EXD1: variants seen among roughly 807,000 people sequenced by gnomAD.
EXD1 encodes piRNA biogenesis protein EXD1.
A neutral mutation model predicts 49.1 loss-of-function variants in EXD1; 63 were observed. That is an observed-to-expected ratio of 1.28 (90% CI 1.05 to 1.58). The LOEUF (loss-of-function observed/expected upper bound fraction) is 1.58, where lower values mean the gene tolerates loss of function less well. EXD1 is among the 40% of genes most tolerant of loss of function. EXD1 has a pLI of 0.00. For synonymous variants in EXD1, 234 were observed against 239.2 expected (o/e 0.98, Z 0.20); for missense variants, 748 against 666.0 (o/e 1.12, Z -1.36).
At position 41,184,396 on chromosome 15, in the gene EXD1, A is replaced by G; in HGVS notation, c.1254T>C (p.Phe418=). 6.2e-7 allele frequency: 1 copy of G among 1,613,994 alleles called. No individual in the cohort carries two copies. Among genetic ancestry groups the G allele is most frequent in the Non-Finnish European group, 8.5e-7 (1 of 1,180,018 alleles). The part of the protein sequence containing the change: ...KVKGFLFGKN[F]RIDKAPSFTS... Reference sequence around the variant, plus strand: ...TAAAACTTGGAGCTTTATCTATCCTAAAATTTTTACCAAATAAGAAGCCTT... The same window carrying G: ...TAAAACTTGGAGCTTTATCTATCCTGAAATTTTTACCAAATAAGAAGCCTT... Residue 418 remains phenylalanine (F), a synonymous_variant, in exon 12 of 12, where the codon TTT becomes TTC. Transcript: ENST00000458580.
chr15:41,223,849 A>G (rs2047124711), intron 2 of EXD1, among the ~76,000 whole-genome samples: 1 of 151,954 alleles, frequency 6.6e-6, no homozygotes, highest in African/African-American at 2.4e-5. Context: ...TGGGTGACAC[A>G]GCGAGACTCT....
intron 9 of EXD1, among the ~76,000 whole-genome samples, chr15:41,194,863 A>G (rs2046585770): frequency 6.6e-6 from 1 of 152,212 alleles, no homozygotes; most frequent in Non-Finnish European, 1.5e-5. Flanking sequence ...CAGCAAATAC[A>G]TTATAAGTAG....
intron 9 of EXD1, among the ~76,000 whole-genome samples, chr15:41,192,790 A>AT (rs57676752): frequency 3.5e-3 from 263 of 74,712 alleles, no homozygotes; most frequent in Non-Finnish European, 4.1e-3. Flanking sequence ...TATTCTTAAG[A>AT]TTTTTTTTTT....
intron 10 of EXD1, 85 bp from the exon 11 acceptor site, chr15:41,190,213 G>T: frequency 7.1e-7 from 1 of 1,415,392 alleles, no homozygotes; most frequent in Non-Finnish European, 9.9e-7. Flanking sequence ...AGTGGCTCAT[G>T]CCTGTAATCC....
chr15:41,202,166 A>ATATT (rs1555415036), intron 7 of EXD1, among the ~76,000 whole-genome samples: 7 of 132,582 alleles, frequency 5.3e-5, no homozygotes, highest in African/African-American at 1.7e-4. Context: ...ATATATATAT[A>ATATT]TTTTTTTTAA....
chr15:41,193,599 G>A lies in EXD1; in HGVS notation c.721-2014C>T, dbSNP rs537341610. ...TAAAAAAATTTTAAAAATCAGCCAG[G>A]CATGGTGGTGTGTACCTGTAGTCCC... On this transcript the variant is annotated intron_variant, in intron 9 of 11. Coordinates refer to ENST00000458580, the MANE Select transcript of EXD1 (RefSeq NM_001286441.2). Among the ~76,000 whole-genome samples the A allele has an allele frequency of 1.6e-3, 247 of 152,162 alleles. 2 individuals carry two copies. Among genetic ancestry groups the A allele is most frequent in the African/African-American group, 5.7e-3 (238 of 41,512 alleles).
chr15:41,206,991 C>G, intron 7 of EXD1, among the ~76,000 whole-genome samples: 1 of 139,056 alleles, frequency 7.2e-6, no homozygotes, highest in South Asian at 2.3e-4. Flanking sequence ...TGGCTCACAC[C>G]CAGCACTTTG....
intron 5 of EXD1, 119 bp downstream of exon 5, chr15:41,216,549 T>G: frequency 9.6e-7 from 1 of 1,042,828 alleles, no homozygotes; most frequent in Non-Finnish European, 1.3e-6. Context: ...GATAATTGCT[T>G]GAATCCAGGA....
intron 9 of EXD1, 121 bp from the exon 10 acceptor site, chr15:41,191,706 C>T (rs1350699519): frequency 2.3e-6 from 2 of 867,500 alleles, no homozygotes; most frequent in Non-Finnish European, 3.4e-6. Flanking sequence ...CACGATAGAC[C>T]ATGTCATCGG....
chr15:41,226,206 C>T (rs2047162679), intron 2 of EXD1, among the ~76,000 whole-genome samples: 1 of 151,800 alleles, frequency 6.6e-6, no homozygotes, highest in Admixed American at 6.6e-5. Context: ...GAGCCATGAT[C>T]ACGCCACTGC....
intron 9 of EXD1, among the ~76,000 whole-genome samples, chr15:41,192,598 T>A (rs1432321899): frequency 0.1 from 4,825 of 46,050 alleles, 1,481 homozygotes; most frequent in Non-Finnish European, 0.14. Context: ...CCAGGCATTT[T>A]TTTTTTTTTT....
chr15:41,222,345 G>A (rs2047100910), intron 2 of EXD1, among the ~76,000 whole-genome samples: 1 of 152,166 alleles, frequency 6.6e-6, no homozygotes, highest in Non-Finnish European at 1.5e-5. Flanking sequence ...AACCTGGGAG[G>A]CGGAGGTTGC....
At chr15:41,196,337 G>A in intron 7 of EXD1, among the ~76,000 whole-genome samples, 1 of 110,000 alleles carries the variant, frequency 9.1e-6, no homozygotes, top group Admixed American at 9.4e-5. Context: ...TTTTTTTTGA[G>A]ACAGAGTCTT....
chr15:41,199,822 T>TTTA, intron 7 of EXD1, among the ~76,000 whole-genome samples: 1 of 131,310 alleles, frequency 7.6e-6, no homozygotes, highest in Middle Eastern at 3.8e-3. Flanking sequence ...CATATATAGA[T>TTTA]ATATGTCAAT....
chr15:41,209,492 A>T lies in EXD1; in HGVS notation c.534+9T>A, dbSNP rs1333524740. On this transcript the variant is annotated intron_variant, in intron 7 of 11. Transcript: ENST00000458580. ...ACTTCAAAATAAAAAGTTTTCAAAAATCTTTCACCTGCAGCCAGCACAGTT... is the reference window on the plus strand; with the variant it reads ...ACTTCAAAATAAAAAGTTTTCAAAATTCTTTCACCTGCAGCCAGCACAGTT... 3 of 1,608,344 alleles carry T rather than the reference A, an allele frequency of 1.9e-6. No homozygotes were observed. Among genetic ancestry groups the T allele is most frequent in the Non-Finnish European group, 2.5e-6 (3 of 1,178,798 alleles).
At chr15:41,215,150 A>G (rs943528593) in intron 6 of EXD1, among the ~76,000 whole-genome samples, 1 of 152,202 alleles carries the variant, frequency 6.6e-6, no homozygotes, top group African/African-American at 2.4e-5. Context: ...CACATAAAAT[A>G]GGACCTCCTT....
chr15:41,218,486 C>CAAAAAAAA (rs35305069), intron 3 of EXD1, among the ~76,000 whole-genome samples: 1 of 79,042 alleles, frequency 1.3e-5, no homozygotes, highest in African/African-American at 4.3e-5. Context: ...GAATCCGTCT[C>CAAAAAAAA]AAAAAAAAAA....
chr15:41,209,076 T>G (rs151021809), intron 7 of EXD1, among the ~76,000 whole-genome samples: 35 of 152,068 alleles, frequency 2.3e-4, no homozygotes, highest in African/African-American at 8.4e-4. Context: ...GGAAGAACAT[T>G]CCAACAAGTT....
In EXD1 at chr15:41,191,590, GGT is replaced by G; in HGVS notation, c.721-7_721-6del. On this transcript the variant is annotated splice_region_variant and splice_polypyrimidine_tract_variant and intron_variant, in intron 9 of 11. Transcript: ENST00000458580. Reference sequence around the variant, plus strand: ...AAACTGAAGTACATCTGCTACCTGTGGTATTTTAAAAAGACAAACAGACCAGT... The same window carrying G: ...AAACTGAAGTACATCTGCTACCTGTGATTTTAAAAAGACAAACAGACCAGT... 1.9e-6 allele frequency: 3 copies of G among 1,612,878 alleles called. No individual in the cohort carries two copies. Among genetic ancestry groups the G allele is most frequent in the Non-Finnish European group, 2.5e-6 (3 of 1,179,540 alleles).
Sources: allele counts gnomAD v4.1 joint callset (sites outside exome capture counted in the v4.1 genomes callset), GRCh38; gene constraint gnomAD v4.1.1; transcripts MANE v1.5; gene names NCBI Gene and HGNC (gene_info 2026-07-23, HGNC 2026-07-21).